The following CD200R1L variants were observed in gnomAD, a reference collection of about 807,000 sequenced individuals.
The protein encoded by CD200R1L is CD200 receptor 1 like, also known as cell surface glycoprotein CD200 receptor 2.
In CD200R1L, 14 loss-of-function variants were observed where a neutral mutation model predicts 24.8. The ratio of observed to expected loss-of-function variants is 0.56; its 90% CI spans 0.37 to 0.88. The LOEUF (loss-of-function observed/expected upper bound fraction) is 0.88. CD200R1L is among the 40% of genes least tolerant of loss of function. CD200R1L has a pLI of 0.00. For synonymous variants in CD200R1L, 111 were observed against 109.2 expected, an observed-to-expected ratio of 1.02 and a Z score of -0.11; for missense variants, 299 against 297.8, an observed-to-expected ratio of 1.00 and a Z score of -0.03.
At position 112,827,679 on chromosome 3, in the gene CD200R1L, T is replaced by C. The variant is rs747102032; in HGVS notation, c.55A>G (p.Ile19Val). The change falls in exon 5 of 8, where the codon ATT becomes GTT. Residue 19 changes from isoleucine (I) to valine (V), a missense_variant. Physicochemically the swap from Ile to Val is conservative, Grantham distance 29. Coordinates refer to ENST00000488794, the MANE Select transcript of CD200R1L (RefSeq NM_001199215.3). ...ATATCCATCAGTACAGGCTGTGAAATGTTACCTGGACACACACACAAAGGA... is the reference window on the plus strand; with the variant it reads ...ATATCCATCAGTACAGGCTGTGAAACGTTACCTGGACACACACACAAAGGA... ...NYSTIFAEGNISQPVLMDINA... is the reference protein window; with the variant it reads ...NYSTIFAEGNVSQPVLMDINA... 1.2e-6 allele frequency: 2 copies of C among 1,612,342 alleles called. No individual in the cohort carries two copies. The highest frequency in any genetic ancestry group is 2.2e-5 in the East Asian group (1 of 44,888).
At chr3:112,831,263 T>C (rs1281574792) in intron 3 of CD200R1L, among the ~76,000 whole-genome samples, 1 of 152,176 alleles carries the variant, frequency 6.6e-6, no homozygotes, top group Admixed American at 6.5e-5. Context: ...ATCACCATGA[T>C]TTGGTATGCA....
intron 6 of CD200R1L, 31 bp downstream of exon 6, chr3:112,826,962 G>A (rs774807526): frequency 6.5e-7 from 1 of 1,537,020 alleles, no homozygotes; most frequent in Non-Finnish European, 8.7e-7. Context: ...TGAGCATCAA[G>A]TTTACTCTTC....
intron 3 of CD200R1L, among the ~76,000 whole-genome samples, chr3:112,835,140 C>T (rs756458281): frequency 1.3e-5 from 2 of 152,106 alleles, no homozygotes; most frequent in Non-Finnish European, 2.9e-5. Flanking sequence ...TGTCCTGTGA[C>T]CAGGAAGAAT....
chr3:112,827,676 A>C lies in CD200R1L; in HGVS notation c.58T>G (p.Ser20Ala), dbSNP rs1938699790. 1 of 1,612,524 alleles carries C rather than the reference A, an allele frequency of 6.2e-7. No homozygotes were observed. The change falls in exon 5 of 8, where the codon TCA becomes GCA. Residue 20 changes from serine to alanine, a missense_variant. Physicochemically the swap from Ser to Ala is moderately conservative, Grantham distance 99 (BLOSUM62 1). Coordinates refer to ENST00000488794, the MANE Select transcript of CD200R1L (RefSeq NM_001199215.3). Reference protein sequence around the residue: ...YSTIFAEGNISQPVLMDINAV... With the variant: ...YSTIFAEGNIAQPVLMDINAV... ...TTTATATCCATCAGTACAGGCTGTG[A>C]AATGTTACCTGGACACACACACAAA...
intron 6 of CD200R1L, among the ~76,000 whole-genome samples, chr3:112,824,016 C>G (rs1938602632): frequency 6.6e-6 from 1 of 152,100 alleles, no homozygotes; most frequent in Non-Finnish European, 1.5e-5. Flanking sequence ...TTAGAAAGTT[C>G]CCTCCAGAAA....
intron 6 of CD200R1L, among the ~76,000 whole-genome samples, chr3:112,826,594 T>C (rs1463792750): frequency 6.6e-6 from 1 of 152,186 alleles, no homozygotes; most frequent in Non-Finnish European, 1.5e-5. Context: ...AATTAATTAA[T>C]ATATTGCTTT....
intron 2 of CD200R1L, among the ~76,000 whole-genome samples, chr3:112,845,103 C>T (rs1024886674): frequency 1.3e-5 from 2 of 151,932 alleles, no homozygotes; most frequent in Non-Finnish European, 2.9e-5. Flanking sequence ...CAAAAGGTGA[C>T]TCCTTGAAAA....
At position 112,815,914 on chromosome 3, in the gene CD200R1L, G is replaced by A; in HGVS notation, c.*49C>T. ...GACCATCACTCATCTCACCAATGTT[G>A]CAGTCCAGAGACAAGGAGGAGAAGC... On this transcript the variant is annotated 3_prime_UTR_variant, in exon 8 of 8. Coordinates refer to ENST00000488794, the MANE Select transcript of CD200R1L (RefSeq NM_001199215.3). The A allele has an allele frequency of 1.3e-6, 1 of 778,890 alleles. No individual in the cohort carries two copies. Among genetic ancestry groups the A allele is most frequent in the Non-Finnish European group, 2.4e-6 (1 of 417,124 alleles). The allele number at this position is 778,890 out of a possible 1,614,324, so 48.2% of individuals were successfully genotyped here.
intron 2 of CD200R1L, among the ~76,000 whole-genome samples, chr3:112,842,773 A>C (rs1465819363): frequency 2.6e-5 from 4 of 152,186 alleles, no homozygotes; most frequent in Non-Finnish European, 5.9e-5. Flanking sequence ...GGTCTTCTGC[A>C]GTACCCTCAG....
intron 6 of CD200R1L, 76 bp downstream of exon 6, chr3:112,826,917 T>C: frequency 6.7e-7 from 1 of 1,490,534 alleles, no homozygotes; most frequent in Non-Finnish European, 8.9e-7. Flanking sequence ...TTACCTGCTG[T>C]TTGGTTATTC....
rs1938648677 is a variant in CD200R1L at position 112,826,050 on chromosome 3, G to A, written c.616+943C>T. On this transcript the variant is annotated intron_variant, in intron 6 of 7. Transcript: ENST00000488794. ...AAGCATTGAATTGCATGCTTTAAAT[G>A]GGTGAAATGTATGGTATATAAATTA... Among the ~76,000 whole-genome samples the A allele has an allele frequency of 2.0e-5, 3 of 152,072 alleles. 1 individual carries two copies. In the South Asian group the frequency reaches 6.2e-4, roughly 31 times the overall value.
At chr3:112,832,962 G>C (rs573178198) in intron 3 of CD200R1L, among the ~76,000 whole-genome samples, 2 of 152,340 alleles carry the variant, frequency 1.3e-5, no homozygotes, top group Admixed American at 1.3e-4. Context: ...TGAGCAAAAA[G>C]TGAGAGTTAT....
Position 112,819,808 on chromosome 3 carries a change from G to A in CD200R1L, c.704C>T (p.Thr235Ile). The change falls in exon 7 of 8, where the codon ACA becomes ATA. Residue 235 changes from threonine to isoleucine, a missense_variant. Coordinates refer to ENST00000488794, the MANE Select transcript of CD200R1L (RefSeq NM_001199215.3). Reference sequence around the variant, plus strand: ...TATCCTCTGGAAGAAAACAAATCCTGTGGTGACCAGAATGACCACAAAAAG... The same window carrying A: ...TATCCTCTGGAAGAAAACAAATCCTATGGTGACCAGAATGACCACAAAAAG... ...LSLFVVILVT[T>I]GFVFFQRINH... 1.2e-6 allele frequency: 2 copies of A among 1,611,198 alleles called. No homozygotes were observed. The highest frequency in any genetic ancestry group is 1.7e-5 in the Admixed American group (1 of 59,470).
chr3:112,829,639 G>GT (rs1212773045), intron 3 of CD200R1L: 2 of 719,244 alleles, frequency 2.8e-6, no homozygotes, highest in African/African-American at 3.8e-5. Context: ...TAGTCAACTA[G>GT]TTTGTATGAG....
chr3:112,829,090 G>A (rs60133643), intron 4 of CD200R1L, among the ~76,000 whole-genome samples: 2,429 of 152,278 alleles, frequency 0.016, 69 homozygotes, highest in African/African-American at 0.056. Flanking sequence ...TTAAATCCAC[G>A]CTCCTTCCAG....
At chr3:112,836,182 T>A (rs901462174) in intron 3 of CD200R1L, among the ~76,000 whole-genome samples, 7 of 152,206 alleles carry the variant, frequency 4.6e-5, no homozygotes, top group Non-Finnish European at 8.8e-5. Context: ...CTGGGGGTAG[T>A]GCGGTCAGCT....
chr3:112,822,810 C>T (rs1223615611), intron 6 of CD200R1L, among the ~76,000 whole-genome samples: 1 of 152,192 alleles, frequency 6.6e-6, no homozygotes, highest in African/African-American at 2.4e-5. Context: ...ATGACCTAGG[C>T]AGCCAAAATT....
intron 3 of CD200R1L, among the ~76,000 whole-genome samples, chr3:112,830,141 A>T (rs1938762244): frequency 6.6e-6 from 1 of 152,202 alleles, no homozygotes; most frequent in African/African-American, 2.4e-5. Context: ...TTCAATCTTA[A>T]CATAAAGAAT....
chr3:112,838,489 C>CAAAAA (rs369499771), intron 2 of CD200R1L, among the ~76,000 whole-genome samples: 124 of 136,976 alleles, frequency 9.1e-4, no homozygotes, highest in Non-Finnish European at 1.6e-3. Flanking sequence ...AACAAACAAA[C>CAAAAA]AAAAAAAAAC....
Sources: gnomAD v4.1 joint callset for allele counts (sites outside exome capture counted in the v4.1 genomes callset) on GRCh38, gnomAD v4.1.1 for gene constraint, MANE v1.5 for transcripts, NCBI Gene and HGNC (gene_info 2026-07-23, HGNC 2026-07-21) for gene names.